The following CDH24 variants were observed in gnomAD, a reference collection of about 807,000 sequenced individuals.
The protein encoded by CDH24 is cadherin 24.
CDH24 carries 61 observed loss-of-function variants against 71.2 expected under a neutral mutation model. The observed-to-expected ratio is 0.86, with a 90% CI of 0.70 to 1.06. The LOEUF (loss-of-function observed/expected upper bound fraction) is 1.06. Ranked by LOEUF, CDH24 falls within the 50% of genes least tolerant of loss-of-function variation. CDH24 has a pLI of 0.00. For missense variants in CDH24, 961 were observed against 1,083.7 expected (o/e 0.89, Z 1.59); for synonymous variants, 440 against 470.2 (o/e 0.94, Z 0.83).
rs1243389837 is a variant in CDH24, at chr14:23,055,726, C to G, written c.8G>C (p.Gly3Ala). 1.0e-5 allele frequency: 16 copies of G among 1,581,770 alleles called. No homozygotes were observed. Among genetic ancestry groups the G allele is most frequent in the Non-Finnish European group, 1.4e-5 (16 of 1,169,628 alleles). The change falls in exon 2 of 13, where the codon GGC (glycine) becomes GCC (alanine). Residue 3 changes from glycine (G) to alanine (A), a missense_variant. By Grantham distance (60) the Gly-to-Ala change is moderately conservative. Around this residue, in one of 2 missense-constraint regions of CDH24, gnomAD observed 671 missense variants for 810.9 expected, o/e 0.83. Transcript: ENST00000487137. This position sits in a 1 kb window ranked among gnomAD's most constrained non-coding sequence, Gnocchi z 4.1. Reference protein sequence around the residue: MWGLVRLLLAWLG... With the variant: MWALVRLLLAWLG... ...CCAGGCCAGCAGGAGCCTCACCAGGCCCCACATGTTTGGACTCCAGCCAGG... is the reference window on the plus strand; with the variant it reads ...CCAGGCCAGCAGGAGCCTCACCAGGGCCCACATGTTTGGACTCCAGCCAGG...
At position 23,055,887 on chromosome 14, in the gene CDH24, G is replaced by T; in HGVS notation, c.-124-30C>A. ...AGGACAAGCAGCTGCTCAGGCTCAA[G>T]GAAACCCCTAGCCCTCCTCCCCCGC... On this transcript the variant is annotated intron_variant, in intron 1 of 12. Transcript: ENST00000487137. The surrounding 1 kb of genome is among the most constrained non-coding windows in gnomAD (Gnocchi z 4.1). The T allele has an allele frequency of 1.5e-6, 1 of 652,574 alleles. No individual in the cohort carries two copies. The highest frequency in any genetic ancestry group is 2.7e-5 in the East Asian group (1 of 36,444). 40.4% of individuals were successfully genotyped at this position (652,574 alleles called of 1,614,324 possible). A position where few individuals can be genotyped will look rare whatever the true frequency, so the allele number is the denominator to read the frequency against.
rs1293846903 is a variant in CDH24 at position 23,047,375 on chromosome 14, C to G, written c.*520-1G>C. On this transcript the variant is annotated splice_acceptor_variant, in intron 12 of 12. Transcript: ENST00000487137. LOFTEE classifies it low-confidence loss of function (3UTR_SPLICE). ...AATGGATGGAACCATGCAGGCAGGT[C>G]TGTAAGGACAGGGGAGCCACGTTAG... 1 of 152,608 alleles carries G rather than the reference C, an allele frequency of 6.6e-6. No individual in the cohort carries two copies. Among genetic ancestry groups the G allele is most frequent in the Non-Finnish European group, 1.5e-5 (1 of 68,346 alleles). 9.5% of individuals were successfully genotyped at this position (152,608 alleles called of 1,614,324 possible).
Position 23,049,723 on chromosome 14 carries a change from G to T in CDH24, c.1501C>A (p.Arg501=), listed in dbSNP as rs1051950574. ...AAPGQLIQVI[R]ALDRDEVGNS... is the part of the protein sequence containing the mutation. ...CCAACTTCATCTCTGTCCAGGGCCC[G>T]GATGACCTGAATCAGCTGGGAGGAA... is the stretch of plus-strand genomic sequence containing the variant. Residue 501 remains arginine (R), a synonymous_variant, in exon 10 of 13, where the codon CGG becomes AGG. Transcript: ENST00000487137. 6.2e-7 allele frequency: 1 copy of T among 1,612,136 alleles called. No homozygotes were observed. The highest frequency in any genetic ancestry group is 8.5e-7 in the Non-Finnish European group (1 of 1,178,658).
rs1239645756 is a variant in CDH24 at position 23,054,966 on chromosome 14, G to A, written c.496+93C>T. 5.0e-5 allele frequency: 79 copies of A among 1,592,182 alleles called. No individual in the cohort carries two copies. Among genetic ancestry groups the A allele is most frequent in the Non-Finnish European group, 6.3e-5 (73 of 1,166,564 alleles). On this transcript the variant is annotated intron_variant, in intron 3 of 12. Transcript: ENST00000487137. The surrounding 1 kb of genome is among the most constrained non-coding windows in gnomAD (Gnocchi z 5.2). ...AGATACGAGGGAGGCTGAATTGAAG[G>A]GGGCAGGTTCTGGGGCAGACAACAA...
At chr14:23,050,069 G>A in intron 8 of CDH24, 126 bp from the exon 9 acceptor site, 1 of 1,292,756 alleles carries the variant, frequency 7.7e-7, no homozygotes, top group East Asian at 2.4e-5. Context: ...CATGAAATAT[G>A]CATGTAATGT....
chr14:23,050,403 TC>T (rs1049103964), intron 8 of CDH24, among the ~76,000 whole-genome samples: 1 of 151,370 alleles, frequency 6.6e-6, no homozygotes, highest in Non-Finnish European at 1.5e-5. Context: ...TGGTGCCACA[TC>T]CCCCGACAAC....
In CDH24 at chr14:23,047,956, G is replaced by C; in HGVS notation, c.*24C>G. 1.6e-6 allele frequency: 2 copies of C among 1,287,430 alleles called. No homozygotes were observed. Among genetic ancestry groups the C allele is most frequent in the Non-Finnish European group, 2.0e-6 (2 of 1,020,072 alleles). 79.8% of individuals were successfully genotyped at this position (1,287,430 alleles called of 1,614,324 possible). On this transcript the variant is annotated 3_prime_UTR_variant, in exon 12 of 13. Transcript: ENST00000487137. ...CCTGTGCCCGCTGCCCCCCCCCCGC[G>C]GTGGGCCGGGCCAGCCCGGGCGCTC... is the stretch of plus-strand genomic sequence containing the variant.
rs778404499 is a variant in CDH24 at position 23,054,768 on chromosome 14, A to C, written c.595T>G (p.Phe199Val). The part of the protein sequence containing the change: ...VYTVLDGLPF[F>V]SVDPQTGVVR... ...TCACCAGTCTGGGGGTCCACAGAGA[A>C]GAAAGGCAGTCCATCCAGAACAGTG... Residue 199 changes from phenylalanine (F) to valine (V), a missense_variant, in exon 4 of 13, where the codon TTC becomes GTC. Phe to Val is a conservative substitution (Grantham distance 50). Coordinates refer to ENST00000487137, the MANE Select transcript of CDH24 (RefSeq NM_144985.4). This position sits in a 1 kb window ranked among gnomAD's most constrained non-coding sequence, Gnocchi z 5.2. 1 of 1,614,122 alleles carries C rather than the reference A, an allele frequency of 6.2e-7. No individual in the cohort carries two copies. The highest frequency in any genetic ancestry group is 8.5e-7 in the Non-Finnish European group (1 of 1,180,024).
In CDH24 at chr14:23,054,427, C is replaced by G; in HGVS notation, c.784+79G>C. The G allele has an allele frequency of 1.9e-6, 3 of 1,557,432 alleles. No individual in the cohort carries two copies. The highest frequency in any genetic ancestry group is 4.5e-5 in the East Asian group (2 of 44,310). Reference sequence around the variant, plus strand: ...TCCCAGGATCTGGCTGGGGAGGAGGCGAGGAGGGAAGGTTTCTCCAGACAC... The same window carrying G: ...TCCCAGGATCTGGCTGGGGAGGAGGGGAGGAGGGAAGGTTTCTCCAGACAC... On this transcript the variant is annotated intron_variant, in intron 5 of 12. Transcript: ENST00000487137. This position sits in a 1 kb window ranked among gnomAD's most constrained non-coding sequence, Gnocchi z 5.2.
chr14:23,049,248 G>A lies in CDH24; in HGVS notation c.1625C>T (p.Ser542Phe). ...RDGSASLLLP[S>F]RPAPPRHAPY... ...GGCATGGCGGGGTGGAGCAGGGCGG[G>A]AGGGCAGCAGCAGGCTGGCGGAGCC... The change falls in exon 11 of 13, where the codon TCC becomes TTC. Residue 542 changes from serine to phenylalanine, a missense_variant. Around this residue, in one of 2 missense-constraint regions of CDH24, gnomAD observed 671 missense variants for 810.9 expected, o/e 0.83. Transcript: ENST00000487137. The A allele has an allele frequency of 1.3e-6, 2 of 1,577,988 alleles. No individual in the cohort carries two copies. The highest frequency in any genetic ancestry group is 1.7e-6 in the Non-Finnish European group (2 of 1,161,406).
chr14:23,050,178 A>G (rs1307451371), intron 8 of CDH24: 6 of 491,554 alleles, frequency 1.2e-5, no homozygotes, highest in East Asian at 7.7e-5. Context: ...ATAGACATTC[A>G]ACAGGAATGC....
In CDH24 at chr14:23,048,179, T is replaced by C; in HGVS notation, c.2147A>G (p.Asp716Gly). 1.5e-6 allele frequency: 2 copies of C among 1,345,580 alleles called. No homozygotes were observed. Among genetic ancestry groups the C allele is most frequent in the Non-Finnish European group, 1.9e-6 (2 of 1,044,984 alleles). The allele number at this position is 1,345,580 out of a possible 1,614,324, so 83.4% of individuals were successfully genotyped here. A position where few individuals can be genotyped will look rare whatever the true frequency, so the allele number is the denominator to read the frequency against. ...LALRLREADEDPGVPPYDSVQ... is the reference protein window; with the variant it reads ...LALRLREADEGPGVPPYDSVQ... ...CGAGTCGTACGGGGGTACGCCGGGGTCCTCGTCCGCCTCGCGGAGCCGCAG... is the reference window on the plus strand; with the variant it reads ...CGAGTCGTACGGGGGTACGCCGGGGCCCTCGTCCGCCTCGCGGAGCCGCAG... Residue 716 changes from aspartate to glycine, a missense_variant, in exon 12 of 13, where the codon GAC (aspartate) becomes GGC (glycine). This residue lies in a region of CDH24 where 290 missense variants were observed against 272.8 expected (regional missense o/e 1.06). Transcript: ENST00000487137.
chr14:23,049,001 C>T (rs750170156), intron 11 of CDH24, 26 bp downstream of exon 11: 1 of 1,605,496 alleles, frequency 6.2e-7, no homozygotes, highest in African/African-American at 1.3e-5. Flanking sequence ...GATCGCACAG[C>T]TATGTACCAC....
chr14:23,055,324 G>A lies in CDH24; in HGVS notation c.231C>T (p.Gly77=). Residue 77 remains glycine (G), a synonymous_variant, in exon 3 of 13, where the codon GGC becomes GGT. Transcript: ENST00000487137. The surrounding 1 kb of genome is among the most constrained non-coding windows in gnomAD (Gnocchi z 4.1). ...KLHSDVDRGE[G]RTKYLLTGEG... is the part of the protein sequence containing the mutation. The stretch of plus-strand genomic sequence containing the variant: ...CCCCGGTCAACAGGTACTTGGTGCG[G>A]CCCTCTCCCCGGTCAACATCCGAGT... The A allele has an allele frequency of 6.2e-7, 1 of 1,609,108 alleles. No homozygotes were observed. The highest frequency in any genetic ancestry group is 1.1e-5 in the South Asian group (1 of 91,016).
rs780467111 is a variant in CDH24, at chr14:23,048,311, G to A, written c.2015C>T (p.Ala672Val). 2.4e-5 allele frequency: 39 copies of A among 1,605,910 alleles called. No homozygotes were observed. The highest frequency in any genetic ancestry group is 3.3e-5 in the South Asian group (3 of 90,716). Residue 672 changes from alanine to valine, a missense_variant, in exon 12 of 13, where the codon GCC becomes GTC. By Grantham distance (64) the Ala-to-Val change is moderately conservative. Coordinates refer to ENST00000487137, the MANE Select transcript of CDH24 (RefSeq NM_144985.4). The stretch of plus-strand genomic sequence containing the variant: ...CGCGGGAGGGCCGGGCGCCGGGGGG[G>A]CCGCCCCGTCCGGGTTCTGCAAGGC... Reference protein sequence around the residue: ...ITALQNPDGAAPPAPGPPARR... With the variant: ...ITALQNPDGAVPPAPGPPARR...
chr14:23,050,190 G>A (rs1005547881), intron 8 of CDH24: 21 of 449,950 alleles, frequency 4.7e-5, no homozygotes, highest in African/African-American at 2.4e-4. Flanking sequence ...CAGGAATGCC[G>A]CACCCATGAT....
In CDH24 at chr14:23,047,935, T is replaced by G. The variant is rs1194425211; in HGVS notation, c.*45A>C. 177 of 1,267,434 alleles carry G rather than the reference T, an allele frequency of 1.4e-4. No homozygotes were observed. The highest frequency in any genetic ancestry group is 1.6e-4 in the Non-Finnish European group (162 of 1,005,316). The allele number at this position is 1,267,434 out of a possible 1,614,324, so 78.5% of individuals were successfully genotyped here. Reference sequence around the variant, plus strand: ...CCGTGGGGCTCACTCAGAGGGCCTGTGCCCGCTGCCCCCCCCCCGCGGTGG... The same window carrying G: ...CCGTGGGGCTCACTCAGAGGGCCTGGGCCCGCTGCCCCCCCCCCGCGGTGG... On this transcript the variant is annotated 3_prime_UTR_variant, in exon 12 of 13. Coordinates refer to ENST00000487137, the MANE Select transcript of CDH24 (RefSeq NM_144985.4).
rs2047111696 is a variant in CDH24 at position 23,054,655 on chromosome 14, A to T, written c.635T>A (p.Ile212Asn). The part of the protein sequence containing the change: ...DPQTGVVRTA[I>N]PNMDRETQEE... ...CTGTGTCTCCCGGTCCATGTTGGGG[A>T]TGGCTGTACGCACCACTCCTAGGGA... The change falls in exon 5 of 13, where the codon ATC becomes AAC. Residue 212 changes from isoleucine (I) to asparagine (N), a missense_variant. This residue lies in a region of CDH24 where 671 missense variants were observed against 810.9 expected (regional missense o/e 0.83). Coordinates refer to ENST00000487137, the MANE Select transcript of CDH24 (RefSeq NM_144985.4). This position sits in a 1 kb window ranked among gnomAD's most constrained non-coding sequence, Gnocchi z 5.2. 6.2e-7 allele frequency: 1 copy of T among 1,613,684 alleles called. No individual in the cohort carries two copies. Among genetic ancestry groups the T allele is most frequent in the East Asian group, 2.2e-5 (1 of 44,846 alleles).
Position 23,047,958 on chromosome 14 carries a change from TGGGCCGGGCCAGCCCGGGCGCTCAGG to T in CDH24, c.2342_*21del. ...TGTGCCCGCTGCCCCCCCCCCGCGG[TGGGCCGGGCCAGCCCGGGCGCTCAGG>T]GGGCCGGGGGCTCCTTGGCCCCATA... is the stretch of plus-strand genomic sequence containing the variant. On this transcript the variant is annotated stop_lost and 3_prime_UTR_variant, in exon 12 of 13. Transcript: ENST00000487137. 7.8e-7 allele frequency: 1 copy of T among 1,281,374 alleles called. No individual in the cohort carries two copies. The highest frequency in any genetic ancestry group is 9.8e-7 in the Non-Finnish European group (1 of 1,015,914). 79.4% of individuals were successfully genotyped at this position (1,281,374 alleles called of 1,614,324 possible).
Sources: gnomAD v4.1 joint callset for allele counts (sites outside exome capture counted in the v4.1 genomes callset) on GRCh38, gnomAD v4.1.1 for gene constraint, gnomAD v4.1.1 regional missense constraint, Gnocchi (gnomAD v3.1) non-coding constraint, MANE v1.5 for transcripts, NCBI Gene and HGNC (gene_info 2026-07-23, HGNC 2026-07-21) for gene names.